Variants in ENPP2 observed in about 807,000 individuals in gnomAD.
ENPP2 encodes the protein ectonucleotide pyrophosphatase/phosphodiesterase 2, also known as autotaxin.
Under a neutral mutation model 120.2 loss-of-function variants are expected in ENPP2, and 51 were observed. The ratio of observed to expected loss-of-function variants is 0.42; its 90% confidence interval spans 0.34 to 0.54. The LOEUF is 0.54. Ranked by LOEUF, ENPP2 falls within the 20% of genes least tolerant of loss-of-function variation. ENPP2 has a pLI of 0.04. For synonymous variants in ENPP2, 365 were observed against 366.4 expected (o/e 1.00, Z 0.04); for missense variants, 920 against 1,066.5 (o/e 0.86, Z 1.91).
chr8:119,588,343 C>T (rs750909381), intron 13 of ENPP2, among the ~76,000 whole-genome samples: 3 of 151,804 alleles, frequency 2.0e-5, no homozygotes, highest in Admixed American at 6.6e-5. Flanking sequence ...TCCTGGCTAA[C>T]ATGGTGAAAT....
intron 21 of ENPP2, among the ~76,000 whole-genome samples, chr8:119,568,742 T>C (rs1200771028): frequency 6.6e-6 from 1 of 152,138 alleles, no homozygotes; most frequent in Non-Finnish European, 1.5e-5. Context: ...CAGGGACTAC[T>C]GGCGTGTGCC....
In ENPP2 at chr8:119,587,028, A is replaced by T; in HGVS notation, c.1239+16T>A. Reference sequence around the variant, plus strand: ...GGCCTGGGCAGGGCAGAGGCGGGACAACTGGAAACACTTACCGTGAGATTG... The same window carrying T: ...GGCCTGGGCAGGGCAGAGGCGGGACTACTGGAAACACTTACCGTGAGATTG... On this transcript the variant is annotated intron_variant, in intron 14 of 24. Transcript: ENST00000075322. The T allele has an allele frequency of 6.2e-7, 1 of 1,607,474 alleles. No individual in the cohort carries two copies. The highest frequency in any genetic ancestry group is 8.5e-7 in the Non-Finnish European group (1 of 1,177,202).
At chr8:119,667,449 T>G (rs1450608954) in intron 1 of ENPP2, among the ~76,000 whole-genome samples, 2 of 152,170 alleles carry the variant, frequency 1.3e-5, no homozygotes, top group Non-Finnish European at 2.9e-5. Context: ...TCCTGCCCTC[T>G]CAAAGACAAA....
intron 15 of ENPP2, among the ~76,000 whole-genome samples, chr8:119,585,927 GACACACACACACACACAC>G (rs34249912): frequency 6.8e-6 from 1 of 146,224 alleles, no homozygotes; most frequent in Non-Finnish European, 1.5e-5. Flanking sequence ...GGATGAAAGA[GACACACACACACACACAC>G]ACACACACAC....
intron 1 of ENPP2, among the ~76,000 whole-genome samples, chr8:119,656,082 C>A (rs1817758376): frequency 6.6e-6 from 1 of 152,124 alleles, no homozygotes; most frequent in African/African-American, 2.4e-5. Flanking sequence ...GTTTTGCATG[C>A]CTTCTAAGTT....
chr8:119,579,822 G>T (rs375466893), intron 19 of ENPP2, among the ~76,000 whole-genome samples: 43 of 152,216 alleles, frequency 2.8e-4, no homozygotes, highest in African/African-American at 9.9e-4. Context: ...CTTTATAGGA[G>T]TGCCCCACAG....
intron 1 of ENPP2, among the ~76,000 whole-genome samples, chr8:119,668,927 C>CAT: frequency 6.6e-6 from 1 of 152,206 alleles, no homozygotes; most frequent in African/African-American, 2.4e-5. Context: ...CTGTCATACA[C>CAT]ATACACACAT....
Position 119,673,322 on chromosome 8 carries a change from C to G in ENPP2, c.-50G>C, listed in dbSNP as rs1011604134. ...CCTGCCCGGGCGCTGCGGACGCGGC[C>G]TGGGCTGCAGCCCCGCGACCTGGGA... On this transcript the variant is annotated 5_prime_UTR_variant, in exon 1 of 26. Coordinates refer to the ENPP2 transcript ENST00000427067. 4 of 1,533,428 alleles carry G rather than the reference C, an allele frequency of 2.6e-6. No homozygotes were observed. In the Admixed American group the frequency reaches 7.9e-5, roughly 30 times the overall value. 95.0% of individuals were successfully genotyped at this position (1,533,428 alleles called of 1,614,324 possible). A position where few individuals can be genotyped will look rare whatever the true frequency, so the allele number is the denominator to read the frequency against.
At chr8:119,601,032 C>T (rs534588631) in intron 10 of ENPP2, among the ~76,000 whole-genome samples, 9 of 152,238 alleles carry the variant, frequency 5.9e-5, no homozygotes, top group South Asian at 2.1e-4. Context: ...CAGAGCCTGG[C>T]GGTAATTCAC....
At chr8:119,630,958 G>A (rs926802934) in intron 2 of ENPP2, among the ~76,000 whole-genome samples, 1 of 147,708 alleles carries the variant, frequency 6.8e-6, no homozygotes, top group Non-Finnish European at 1.5e-5. Context: ...GTAATGGTGC[G>A]ATCTCGGCTC....
rs1250160769 is a variant in ENPP2 at position 119,569,373 on chromosome 8, G to A, written c.1918-3C>T. ...TCAGGAACGCTGGAAACCTCAGCCT[G>A]CACGGGAGTCAGAGGCACTCAGCAA... On this transcript the variant is annotated splice_polypyrimidine_tract_variant and splice_region_variant and intron_variant, in intron 20 of 24. Transcript: ENST00000075322. 2 of 1,613,636 alleles carry A rather than the reference G, an allele frequency of 1.2e-6. No individual in the cohort carries two copies. Among genetic ancestry groups the A allele is most frequent in the South Asian group, 2.2e-5 (2 of 91,060 alleles).
intron 1 of ENPP2, among the ~76,000 whole-genome samples, chr8:119,652,411 C>T (rs1338281825): frequency 1.3e-5 from 2 of 152,110 alleles, no homozygotes; most frequent in Non-Finnish European, 2.9e-5. Flanking sequence ...AGAATTGGCT[C>T]CCTCAATCTA....
intron 1 of ENPP2, among the ~76,000 whole-genome samples, chr8:119,671,423 C>T (rs1818244223): frequency 6.6e-6 from 1 of 152,142 alleles, no homozygotes; most frequent in South Asian, 2.1e-4. Flanking sequence ...TGAGGGAATA[C>T]TGGCCATAAG....
At chr8:119,644,020 A>G (rs1435418988) in intron 1 of ENPP2, among the ~76,000 whole-genome samples, 1 of 151,994 alleles carries the variant, frequency 6.6e-6, no homozygotes, top group Non-Finnish European at 1.5e-5. Context: ...GGAGAGCAGA[A>G]GTGAGTATAG....
rs1472199477 is a variant in ENPP2 at position 119,638,524 on chromosome 8, T to G, written c.37A>C (p.Ile13Leu). 2 of 1,564,356 alleles carry G rather than the reference T, an allele frequency of 1.3e-6. No individual in the cohort carries two copies. Among genetic ancestry groups the G allele is most frequent in the South Asian group, 2.2e-5 (2 of 90,088 alleles). Residue 13 changes from isoleucine to leucine, a missense_variant, in exon 2 of 25, where the codon ATA becomes CTA. Transcript: ENST00000075322. ...RRSSFQSCQI[I>L]SLFTFAVGVN... ...CCAACGGCAAAAGTGAACAGGGATA[T>G]TATCTAAGAGAATAAAGAGACCAAG...
intron 19 of ENPP2, 33 bp downstream of exon 19, chr8:119,580,083 A>G (rs1194281229): frequency 1.3e-6 from 2 of 1,546,630 alleles, no homozygotes; most frequent in South Asian, 1.1e-5. Flanking sequence ...AACGAGAAAA[A>G]CCTTATCTGA....
intron 18 of ENPP2, 75 bp from the exon 19 acceptor site, chr8:119,580,242 G>C (rs2289887): frequency 1.9e-5 from 22 of 1,132,574 alleles, no homozygotes; most frequent in Non-Finnish European, 2.8e-5. Context: ...CCCTTCTGTC[G>C]ACTTAGCACC....
chr8:119,615,293 A>T (rs2130694568), intron 8 of ENPP2, among the ~76,000 whole-genome samples: 1 of 152,228 alleles, frequency 6.6e-6, no homozygotes, highest in Non-Finnish European at 1.5e-5. Context: ...CATGAGATGG[A>T]ACCACTTACC....
chr8:119,658,475 G>T (rs1315816730), intron 1 of ENPP2, among the ~76,000 whole-genome samples: 1 of 152,122 alleles, frequency 6.6e-6, no homozygotes, highest in Non-Finnish European at 1.5e-5. Flanking sequence ...TCACTGTATT[G>T]CCCAGGCTAA....
Sources: allele counts gnomAD v4.1 joint callset (sites outside exome capture counted in the v4.1 genomes callset), GRCh38; gene constraint gnomAD v4.1.1; transcripts MANE v1.5; gene names NCBI Gene and HGNC (gene_info 2026-07-23, HGNC 2026-07-21).